The following SIVA1 variants were observed in gnomAD, a reference collection of about 807,000 sequenced individuals.
SIVA1 encodes SIVA1 apoptosis inducing factor.
SIVA1 carries 10 observed loss-of-function variants against 19.7 expected under a neutral mutation model. The ratio of observed to expected loss-of-function variants is 0.51; its 90% CI spans 0.31 to 0.86. The LOEUF is 0.86. SIVA1 is among the 40% of genes least tolerant of loss of function. The probability of loss-of-function intolerance (pLI) is 0.04; values close to 1 mark genes in which losing one functional copy is unlikely to be tolerated. For missense variants in SIVA1, 241 were observed against 245.2 expected (o/e 0.98, Z 0.11); for synonymous variants, 130 against 106.1 (o/e 1.23, Z -1.39).
At chr14:104,753,436 C>T in intron 1 of SIVA1, 117 bp downstream of exon 1, 1 of 692,642 alleles carries the variant, frequency 1.4e-6, no homozygotes, top group Non-Finnish European at 2.3e-6. Context: ...TCTGGCCCCG[C>T]GTTCCCGGAA....
rs559184664 is a variant in SIVA1, at chr14:104,759,514, G to A, written c.*29G>A. Reference sequence around the variant, plus strand: ...TGGCTCAAGCCGGCTGCCTTCACCGGGAGCCACGCCGTGCATGGCAGCCTT... The same window carrying A: ...TGGCTCAAGCCGGCTGCCTTCACCGAGAGCCACGCCGTGCATGGCAGCCTT... On this transcript the variant is annotated 3_prime_UTR_variant, in exon 4 of 4. Transcript: ENST00000329967. This position sits in a 1 kb window ranked among gnomAD's most constrained non-coding sequence, Gnocchi z 4.2. 2 of 1,601,720 alleles carry A rather than the reference G, an allele frequency of 1.2e-6. No individual in the cohort carries two copies. The highest frequency in any genetic ancestry group is 1.1e-5 in the South Asian group (1 of 90,766).
At chr14:104,757,839 A>C (rs966577442) in intron 3 of SIVA1, 1 of 152,480 alleles carries the variant, frequency 6.6e-6, no homozygotes, top group Non-Finnish European at 1.5e-5. Flanking sequence ...TGCCCTGCAC[A>C]CCATCCTTGA....
intron 3 of SIVA1, chr14:104,756,961 C>A: frequency 1.6e-6 from 1 of 617,658 alleles, no homozygotes; most frequent in Non-Finnish European, 2.8e-6. Context: ...TAAGGGAAAG[C>A]TGAACCTCAC....
At chr14:104,755,317 C>T (rs766885463) in intron 1 of SIVA1, among the ~76,000 whole-genome samples, 8 of 152,134 alleles carry the variant, frequency 5.3e-5, no homozygotes, top group Non-Finnish European at 1.0e-4. Context: ...CGAGGCCAGC[C>T]GTGAATTGCA....
intron 1 of SIVA1, among the ~76,000 whole-genome samples, chr14:104,754,806 G>A (rs1336321944): frequency 6.6e-6 from 1 of 152,178 alleles, no homozygotes; most frequent in Non-Finnish European, 1.5e-5. Context: ...CAGGAGGAAG[G>A]TGCAGGGTGT....
rs770685688 is a variant in SIVA1, at chr14:104,755,743, G to A, written c.232G>A (p.Ala78Thr). Residue 78 changes from alanine (A) to threonine (T), a missense_variant, in exon 2 of 4, where the codon GCC becomes ACC. Physicochemically the swap from Ala to Thr is moderately conservative, Grantham distance 58. Transcript: ENST00000329967. ...GTCCCCAAAGCCTGGCCCTACAGGG[G>A]CCCCGAGGGCTGCACGTGGGCAGAT... ...PESPKPGPTG[A>T]PRAARGQMLI... The A allele has an allele frequency of 1.2e-6, 2 of 1,614,134 alleles. No individual in the cohort carries two copies. The highest frequency in any genetic ancestry group is 4.5e-5 in the East Asian group (2 of 44,884).
In SIVA1 at chr14:104,756,771, C is replaced by G. The variant is rs752223389; in HGVS notation, c.470+11C>G. The G allele has an allele frequency of 6.2e-7, 1 of 1,603,336 alleles. No homozygotes were observed. Reference sequence around the variant, plus strand: ...GTGTGGCCTCGTGGAGTAAGTACTTCAGTCCCTGGAGCTGCTGAGATCCCA... The same window carrying G: ...GTGTGGCCTCGTGGAGTAAGTACTTGAGTCCCTGGAGCTGCTGAGATCCCA... On this transcript the variant is annotated intron_variant, in intron 3 of 3. Transcript: ENST00000329967.
At chr14:104,756,476 T>G in intron 2 of SIVA1, 128 bp from the exon 3 acceptor site, 4 of 983,218 alleles carry the variant, frequency 4.1e-6, no homozygotes, top group Non-Finnish European at 6.3e-6. Flanking sequence ...AAGGATCCAG[T>G]GTAGGTGGGG....
rs1170941543 is a variant in SIVA1 at position 104,757,198 on chromosome 14, C to T, written c.470+438C>T. 3 of 361,906 alleles carry T rather than the reference C, an allele frequency of 8.3e-6. 1 individual carries two copies. The highest frequency in any genetic ancestry group is 5.5e-6 in the Non-Finnish European group (1 of 181,450). The allele number at this position is 361,906 out of a possible 1,614,324, so 22.4% of individuals were successfully genotyped here. A position where few individuals can be genotyped will look rare whatever the true frequency, so the allele number is the denominator to read the frequency against. On this transcript the variant is annotated intron_variant, in intron 3 of 3. Coordinates refer to ENST00000329967, the MANE Select transcript of SIVA1 (RefSeq NM_006427.4). The stretch of plus-strand genomic sequence containing the variant: ...GAAGTGGAGTGTTTGTGTAGTCTCC[C>T]ATTTGTGGGTGGGTTTGCTGCAGCT...
intron 3 of SIVA1, chr14:104,758,427 A>G (rs534969997): frequency 2.0e-5 from 3 of 151,724 alleles, no homozygotes; most frequent in Middle Eastern, 3.2e-3. Flanking sequence ...TCCTCGCAAC[A>G]TCTCTCTTAA....
intron 3 of SIVA1, chr14:104,757,412 A>G: frequency 6.8e-6 from 2 of 295,506 alleles, no homozygotes; most frequent in Non-Finnish European, 1.4e-5. Flanking sequence ...AATGTCTGAA[A>G]TTGTCCATCT....
chr14:104,756,873 C>G (rs1891909410), intron 3 of SIVA1, 113 bp downstream of exon 3: 3 of 1,210,674 alleles, frequency 2.5e-6, no homozygotes, highest in South Asian at 1.5e-5. Flanking sequence ...GCCCCTGATG[C>G]AGTGCCATCT....
chr14:104,754,051 G>A lies in SIVA1; in HGVS notation c.118+732G>A, dbSNP rs565084374. Among the ~76,000 whole-genome samples the A allele has an allele frequency of 3.9e-5, 6 of 152,292 alleles. 1 individual carries two copies. Among genetic ancestry groups the A allele is most frequent in the African/African-American group, 1.4e-4 (6 of 41,554 alleles). On this transcript the variant is annotated intron_variant, in intron 1 of 3. Coordinates refer to ENST00000329967, the MANE Select transcript of SIVA1 (RefSeq NM_006427.4). ...GGAGAGCGAAATAGGACTCCGTGTG[G>A]CTGCAGTGTCCAGTTCTGGGTGGGA...
chr14:104,754,996 C>T (rs1774955263), intron 1 of SIVA1, among the ~76,000 whole-genome samples: 1 of 152,196 alleles, frequency 6.6e-6, no homozygotes, highest in South Asian at 2.1e-4. Flanking sequence ...CAAAGCTCCC[C>T]AGGTGACTGA....
At chr14:104,757,166 C>A (rs1891921181) in intron 3 of SIVA1, 2 of 341,546 alleles carry the variant, frequency 5.9e-6, no homozygotes, top group African/African-American at 2.2e-5. Flanking sequence ...TAGACCCTCT[C>A]AGGCAGGAAG....
chr14:104,758,491 C>CT (rs5811150), intron 3 of SIVA1: 38,966 of 137,256 alleles, frequency 0.28, 5,912 homozygotes, highest in South Asian at 0.36. Context: ...TTAGAGCTTT[C>CT]TTTTTTTTTT....
rs1207487631 is a variant in SIVA1, at chr14:104,759,555, C to T, written c.*70C>T. 18 of 1,333,540 alleles carry T rather than the reference C, an allele frequency of 1.3e-5. No individual in the cohort carries two copies. Among genetic ancestry groups the T allele is most frequent in the East Asian group, 9.3e-5 (4 of 42,938 alleles). 82.6% of individuals were successfully genotyped at this position (1,333,540 alleles called of 1,614,324 possible). On this transcript the variant is annotated 3_prime_UTR_variant, in exon 4 of 4. Transcript: ENST00000329967. The surrounding 1 kb of genome is among the most constrained non-coding windows in gnomAD (Gnocchi z 4.2). Reference sequence around the variant, plus strand: ...TGGCAGCCTTCCCTGGACGAGCGCTCGGTGTTCACACTGAACTGTGGGGTC... The same window carrying T: ...TGGCAGCCTTCCCTGGACGAGCGCTTGGTGTTCACACTGAACTGTGGGGTC...
intron 1 of SIVA1, chr14:104,753,894 T>C (rs760152346): frequency 2.6e-6 from 1 of 387,070 alleles, no homozygotes; most frequent in South Asian, 1.7e-5. Flanking sequence ...CACAGGTTTG[T>C]GCAGGCGCAC....
intron 1 of SIVA1, 50 bp downstream of exon 1, chr14:104,753,369 G>A (rs757477218): frequency 1.5e-6 from 2 of 1,294,768 alleles, no homozygotes; most frequent in African/African-American, 1.5e-5. Context: ...GGCCTGGAAC[G>A]GGCCGGGCCT....
Sources: gnomAD v4.1 joint callset for allele counts (sites outside exome capture counted in the v4.1 genomes callset) on GRCh38, gnomAD v4.1.1 for gene constraint, Gnocchi (gnomAD v3.1) non-coding constraint, MANE v1.5 for transcripts, NCBI Gene and HGNC (gene_info 2026-07-23, HGNC 2026-07-21) for gene names.